Variants in RYR3 observed in about 807,000 individuals in gnomAD.
RYR3 encodes ryanodine receptor 3, also known as brain ryanodine receptor-calcium release channel.
In RYR3, 207 loss-of-function variants were observed where a neutral mutation model predicts 584.3. The ratio of observed to expected loss-of-function variants is 0.35; its 90% CI spans 0.32 to 0.40. RYR3 has a LOEUF of 0.40. Ranked by LOEUF, RYR3 falls within the 10% of genes least tolerant of loss-of-function variation. The pLI is 1.00. For synonymous variants in RYR3, 2,416 were observed against 2,248.5 expected (o/e 1.07, Z -2.11); for missense variants, 5,616 against 6,089.2 (o/e 0.92, Z 2.59).
rs1227963148 is a variant in RYR3, at chr15:33,748,491, C to T, written c.8160C>T (p.Pro2720=). Residue 2720 remains proline (P), a synonymous_variant, in exon 55 of 104, where the codon CCC becomes CCT. Transcript: ENST00000634891. ...AGGGCAACAGCTACAGTCCTGCTCC[C>T]CTCGACCTCTCAAACGTTGTGCTCT... ...ANQGNSYSPA[P]LDLSNVVLSR... 39 of 1,613,418 alleles carry T rather than the reference C, an allele frequency of 2.4e-5. No individual in the cohort carries two copies. Among genetic ancestry groups the T allele is most frequent in the Non-Finnish European group, 3.2e-5 (38 of 1,179,746 alleles).
intron 1 of RYR3, among the ~76,000 whole-genome samples, chr15:33,356,093 T>TA (rs1196224312): frequency 3.3e-5 from 5 of 152,136 alleles, no homozygotes; most frequent in African/African-American, 1.2e-4. Context: ...GATTTGTGAA[T>TA]CATGCATACG....
At chr15:33,452,253 G>T (rs886801987) in intron 1 of RYR3, among the ~76,000 whole-genome samples, 1 of 152,226 alleles carries the variant, frequency 6.6e-6, no homozygotes, top group South Asian at 2.1e-4. Flanking sequence ...CCAGTTCATT[G>T]CAGGACAGAA....
chr15:33,543,593 A>G (rs764506658), intron 7 of RYR3, 29 bp from the exon 8 acceptor site: 1 of 1,379,008 alleles, frequency 7.3e-7, no homozygotes, highest in Non-Finnish European at 1.0e-6. Flanking sequence ...ACTTCCCATC[A>G]TTCACAGTAG....
chr15:33,498,630 G>A (rs1004990109), intron 2 of RYR3, among the ~76,000 whole-genome samples: 1 of 152,080 alleles, frequency 6.6e-6, no homozygotes, highest in South Asian at 2.1e-4. Context: ...CTCCCATCCT[G>A]CAGGCCGTCT....
In RYR3 at chr15:33,311,678, A is replaced by G. The variant is rs766925467; in HGVS notation, c.51+582A>G. On this transcript the variant is annotated intron_variant, in intron 1 of 103. Coordinates refer to ENST00000634891, the MANE Select transcript of RYR3 (RefSeq NM_001036.6). This position sits in a 1 kb window ranked among gnomAD's most constrained non-coding sequence, Gnocchi z 4.4. ...CGCTGCCCCTCTCGTGTTAAGCCCC[A>G]CGCCGGCAACTGCTGCTGGAGCCTG... Among the ~76,000 whole-genome samples the G allele has an allele frequency of 3.3e-5, 5 of 152,170 alleles. No individual in the cohort carries two copies. The highest frequency in any genetic ancestry group is 4.8e-5 in the African/African-American group (2 of 41,458).
intron 81 of RYR3, 41 bp from the exon 82 acceptor site, chr15:33,825,562 G>A (rs765372731): frequency 3.0e-5 from 40 of 1,322,130 alleles, no homozygotes; most frequent in Non-Finnish European, 4.1e-5. Flanking sequence ...CTTTCCCAGC[G>A]TGCGTAGCCC....
intron 2 of RYR3, among the ~76,000 whole-genome samples, chr15:33,499,015 G>T (rs1195014571): frequency 2.0e-5 from 3 of 152,040 alleles, no homozygotes; most frequent in African/African-American, 7.2e-5. Context: ...TTCTTTCAAA[G>T]ATGCAAATTT....
At chr15:33,595,144 T>C (rs1290301763) in intron 16 of RYR3, among the ~76,000 whole-genome samples, 1 of 152,224 alleles carries the variant, frequency 6.6e-6, no homozygotes, top group Non-Finnish European at 1.5e-5. Context: ...AAACACTTGA[T>C]ACTACAAAAT....
intron 70 of RYR3, among the ~76,000 whole-genome samples, chr15:33,808,716 G>T (rs1365079974): frequency 6.6e-6 from 1 of 152,176 alleles, no homozygotes; most frequent in Non-Finnish European, 1.5e-5. Context: ...CAAGCACTCA[G>T]CCAGTGATAG....
intron 1 of RYR3, 176 bp from the exon 2 acceptor site, chr15:33,473,243 C>G: frequency 1.3e-6 from 1 of 786,356 alleles, no homozygotes; most frequent in South Asian, 1.4e-5. Context: ...ACGGTAGATG[C>G]TCCGTGATGT....
In RYR3 at chr15:33,426,769, C is replaced by T. The variant is rs181742434; in HGVS notation, c.52-46650C>T. On this transcript the variant is annotated intron_variant, in intron 1 of 103. Transcript: ENST00000634891. Reference sequence around the variant, plus strand: ...TAACAAAATATCACAGACTGGGTGGCTTATAAATAACAGAAATTTATATCT... The same window carrying T: ...TAACAAAATATCACAGACTGGGTGGTTTATAAATAACAGAAATTTATATCT... Among the ~76,000 whole-genome samples the T allele has an allele frequency of 2.9e-3, 442 of 152,226 alleles. 3 individuals are homozygous for T. Among genetic ancestry groups the T allele is most frequent in the African/African-American group, 0.01 (424 of 41,514 alleles).
chr15:33,624,149 A>T, intron 20 of RYR3, 126 bp downstream of exon 20: 1 of 704,530 alleles, frequency 1.4e-6, no homozygotes, highest in Non-Finnish European at 2.4e-6. Context: ...TAATGTGAAC[A>T]ACTGTTACTC....
intron 27 of RYR3, among the ~76,000 whole-genome samples, chr15:33,641,075 G>A (rs1475315666): frequency 6.6e-6 from 1 of 152,212 alleles, no homozygotes; most frequent in Non-Finnish European, 1.5e-5. Context: ...GGAGCGTGTT[G>A]TGGTTATGGG....
At chr15:33,445,981 C>T (rs2046623928) in intron 1 of RYR3, among the ~76,000 whole-genome samples, 1 of 152,086 alleles carries the variant, frequency 6.6e-6, no homozygotes, top group South Asian at 2.1e-4. Flanking sequence ...TCCTTTAAAC[C>T]TTTACATGAA....
At chr15:33,635,136 A>G (rs1232299950) in intron 25 of RYR3, among the ~76,000 whole-genome samples, 2 of 152,308 alleles carry the variant, frequency 1.3e-5, no homozygotes, top group East Asian at 3.9e-4. Context: ...TCTGAACAAC[A>G]GCTTAAAATT....
chr15:33,789,663 T>C (rs1390949689), intron 67 of RYR3, among the ~76,000 whole-genome samples: 1 of 19,722 alleles, frequency 5.1e-5, no homozygotes, highest in African/African-American at 1.5e-4. Flanking sequence ...TATATATTTT[T>C]TTTTTTTTTT....
At chr15:33,567,418 G>GA (rs2152491938) in intron 12 of RYR3, among the ~76,000 whole-genome samples, 1 of 152,280 alleles carries the variant, frequency 6.6e-6, no homozygotes, top group Non-Finnish European at 1.5e-5. Context: ...TCTCTTGTAG[G>GA]AAAATCTCTC....
In RYR3 at chr15:33,531,936, T is replaced by C. The variant is rs566549873; in HGVS notation, c.354+1270T>C. On this transcript the variant is annotated intron_variant, in intron 4 of 103. Coordinates refer to ENST00000634891, the MANE Select transcript of RYR3 (RefSeq NM_001036.6). Reference sequence around the variant, plus strand: ...CAGAACTTCAAAAGCATACTTCTTATGGCTTCAAAAACAAGCTAATATCAT... The same window carrying C: ...CAGAACTTCAAAAGCATACTTCTTACGGCTTCAAAAACAAGCTAATATCAT... Among the ~76,000 whole-genome samples the C allele has an allele frequency of 6.3e-4, 96 of 152,302 alleles. No individual in the cohort carries two copies. In the Middle Eastern group the frequency reaches 0.034, roughly 54 times the overall value.
At chr15:33,341,882 T>G (rs775312187) in intron 1 of RYR3, among the ~76,000 whole-genome samples, 3 of 151,868 alleles carry the variant, frequency 2.0e-5, no homozygotes, top group Non-Finnish European at 4.4e-5. Flanking sequence ...AGATTGTAAG[T>G]CATTTCTAGA....
Sources: allele counts gnomAD v4.1 joint callset (sites outside exome capture counted in the v4.1 genomes callset), GRCh38; gene constraint gnomAD v4.1.1; non-coding constraint Gnocchi (gnomAD v3.1); transcripts MANE v1.5; gene names NCBI Gene and HGNC (gene_info 2026-07-23, HGNC 2026-07-21).